Variants in RARB observed in about 807,000 individuals in gnomAD.
The protein encoded by RARB is retinoic acid receptor beta.
In RARB, 17 loss-of-function variants were observed where a neutral mutation model predicts 51.9. The observed-to-expected ratio is 0.33, with a 90% CI of 0.22 to 0.49. The LOEUF (loss-of-function observed/expected upper bound fraction) is 0.49, where lower values mean the gene tolerates loss of function less well. Among genes scored for constraint, RARB ranks in the 20% least tolerant of loss-of-function variants. RARB has a pLI of 0.99. For synonymous variants in RARB, 215 were observed against 195.4 expected, an observed-to-expected ratio of 1.10 and a Z score of -0.84; for missense variants, 369 against 550.8, an observed-to-expected ratio of 0.67 and a Z score of 3.30.
At chr3:24,859,604 T>C (rs898682196) in intron 2 of RARB, among the ~76,000 whole-genome samples, 9 of 152,188 alleles carry the variant, frequency 5.9e-5, no homozygotes, top group Non-Finnish European at 1.3e-4. Context: ...ACCAATATAA[T>C]CAGTATGCTT....
intron 3 of RARB, among the ~76,000 whole-genome samples, chr3:25,112,908 G>C (rs1290329869): frequency 6.6e-6 from 1 of 152,162 alleles, no homozygotes; most frequent in Non-Finnish European, 1.5e-5. Context: ...AAGATCTTCT[G>C]TGTTCTTAGC....
intron 5 of RARB, among the ~76,000 whole-genome samples, chr3:25,340,503 G>A (rs528008733): frequency 6.7e-4 from 102 of 152,274 alleles, no homozygotes; most frequent in Non-Finnish European, 1.3e-3. Context: ...CAGTTCTTAT[G>A]CCTCTGGTTT....
intron 5 of RARB, among the ~76,000 whole-genome samples, chr3:25,332,771 A>G (rs1704941303): frequency 6.6e-6 from 1 of 152,208 alleles, no homozygotes; most frequent in South Asian, 2.1e-4. Flanking sequence ...GTATATTTAG[A>G]AAACCCCATC....
chr3:25,594,837 C>T (rs1206794169), intron 7 of RARB, among the ~76,000 whole-genome samples, 159 bp downstream of exon 7: 1 of 131,040 alleles, frequency 7.6e-6, no homozygotes, highest in African/African-American at 3.2e-5. Flanking sequence ...CCTCCCCCCT[C>T]TAAAAAAAAA....
intron 5 of RARB, among the ~76,000 whole-genome samples, chr3:25,348,943 G>A (rs924806898): frequency 1.8e-4 from 27 of 152,316 alleles, no homozygotes; most frequent in African/African-American, 6.5e-4. Context: ...AAACACTGCA[G>A]TAGAGCATCT....
At chr3:25,490,552 T>G (rs561412778) in intron 2 of RARB, among the ~76,000 whole-genome samples, 260 of 152,306 alleles carry the variant, frequency 1.7e-3, no homozygotes, top group African/African-American at 5.9e-3. Flanking sequence ...GTTTTGGCTC[T>G]CTCTCCTTCT....
chr3:25,443,406 T>G (rs971053047), intron 1 of RARB, among the ~76,000 whole-genome samples: 1 of 137,930 alleles, frequency 7.3e-6, no homozygotes, highest in Non-Finnish European at 1.6e-5. Flanking sequence ...CTCCCCCTTG[T>G]CCCCCCCACC....
intron 5 of RARB, among the ~76,000 whole-genome samples, chr3:25,360,162 T>C (rs1209181391): frequency 6.6e-5 from 10 of 152,190 alleles, no homozygotes; most frequent in Admixed American, 6.5e-4. Flanking sequence ...GGTGCTCCTG[T>C]ATTGGGTGCA....
chr3:24,910,258 T>A (rs1466885139), intron 2 of RARB, among the ~76,000 whole-genome samples: 1 of 152,196 alleles, frequency 6.6e-6, no homozygotes, highest in Non-Finnish European at 1.5e-5. Context: ...AAAAAAACGT[T>A]GAATTGCATT....
chr3:25,149,393 G>C (rs1700246067), intron 4 of RARB, among the ~76,000 whole-genome samples: 1 of 152,140 alleles, frequency 6.6e-6, no homozygotes, highest in Non-Finnish European at 1.5e-5. Context: ...ATAATATTTG[G>C]TATATAATAA....
intron 5 of RARB, among the ~76,000 whole-genome samples, chr3:25,239,154 G>T (rs1249081460): frequency 6.6e-6 from 1 of 152,110 alleles, no homozygotes; most frequent in Non-Finnish European, 1.5e-5. Flanking sequence ...TAATGGGATT[G>T]TTTATTACTA....
rs908146905 is a variant in RARB at position 24,981,404 on chromosome 3, T to A, written c.-379-78721T>A. Among the ~76,000 whole-genome samples the A allele has an allele frequency of 3.3e-5, 5 of 152,312 alleles. No individual in the cohort carries two copies. In the East Asian group the frequency reaches 5.8e-4, roughly 18 times the overall value. On this transcript the variant is annotated intron_variant, in intron 2 of 11. Coordinates refer to the RARB transcript ENST00000383772. ...TGGAATCTAGAGAGGCAGTAGGCCT[T>A]GTTGAGCTGCAGTGGGCTCCACCCA...
At chr3:25,147,689 G>A (rs2125340051) in intron 4 of RARB, among the ~76,000 whole-genome samples, 1 of 152,292 alleles carries the variant, frequency 6.6e-6, no homozygotes, top group East Asian at 1.9e-4. Context: ...ATAAGCTGGT[G>A]TAAGGAATAC....
chr3:25,115,653 T>G (rs914013830), intron 3 of RARB, among the ~76,000 whole-genome samples: 1 of 151,862 alleles, frequency 6.6e-6, no homozygotes, highest in African/African-American at 2.4e-5. Context: ...TCTTTCTTTC[T>G]TTTTCCTTTC....
chr3:25,518,889 T>C (rs1453563174), intron 3 of RARB, among the ~76,000 whole-genome samples: 1 of 152,162 alleles, frequency 6.6e-6, no homozygotes, highest in African/African-American at 2.4e-5. Context: ...CCTCCTAAGA[T>C]CTTAGAAGGA....
intron 2 of RARB, among the ~76,000 whole-genome samples, chr3:25,465,706 C>A (rs918456190): frequency 6.6e-6 from 1 of 152,054 alleles, no homozygotes; most frequent in Non-Finnish European, 1.5e-5. Context: ...TGTAGGGATG[C>A]CCTGTTTAGG....
At chr3:25,205,455 C>T (rs747564048) in intron 5 of RARB, among the ~76,000 whole-genome samples, 3 of 152,134 alleles carry the variant, frequency 2.0e-5, no homozygotes, top group Non-Finnish European at 4.4e-5. Context: ...CCAACAATCC[C>T]CAGTGAGATG....
chr3:25,534,755 G>A (rs916167614), intron 3 of RARB, among the ~76,000 whole-genome samples: 16 of 151,908 alleles, frequency 1.1e-4, no homozygotes, highest in African/African-American at 3.9e-4. Flanking sequence ...TTACCTGTTG[G>A]CTTTGGGACT....
At chr3:25,026,052 G>A (rs1291896022) in intron 2 of RARB, among the ~76,000 whole-genome samples, 1 of 152,118 alleles carries the variant, frequency 6.6e-6, no homozygotes, top group East Asian at 1.9e-4. Flanking sequence ...AAATGGAATA[G>A]TACAAAGTGA....
Sources: gnomAD v4.1 joint callset for allele counts (sites outside exome capture counted in the v4.1 genomes callset) on GRCh38, gnomAD v4.1.1 for gene constraint, MANE v1.5 for transcripts, NCBI Gene and HGNC (gene_info 2026-07-23, HGNC 2026-07-21) for gene names.